Variants in ABCA9 observed in about 807,000 individuals in gnomAD.
ABCA9 encodes ATP binding cassette subfamily A member 9.
In ABCA9, 183 loss-of-function variants were observed where a neutral mutation model predicts 205.3. The ratio of observed to expected loss-of-function variants is 0.89; its 90% CI spans 0.79 to 1.01. The LOEUF is 1.01. Ranked by LOEUF, ABCA9 falls within the 50% of genes least tolerant of loss-of-function variation. The probability of loss-of-function intolerance (pLI) is 0.00; values close to 1 mark genes in which losing one functional copy is unlikely to be tolerated. For synonymous variants in ABCA9, 651 were observed against 683.3 expected, an observed-to-expected ratio of 0.95 and a Z score of 0.74; for missense variants, 1,805 against 1,912.4, an observed-to-expected ratio of 0.94 and a Z score of 1.05.
intron 31 of ABCA9, 27 bp from the exon 32 acceptor site, chr17:68,986,351 T>G (rs1344177650): frequency 6.3e-7 from 1 of 1,588,280 alleles, no homozygotes; most frequent in Middle Eastern, 1.7e-4. Context: ...CATTCTTAGA[T>G]TCTATCCCAA....
Position 68,995,762 on chromosome 17 carries a change from G to T in ABCA9, c.3555+133C>A, listed in dbSNP as rs938479676. Reference sequence around the variant, plus strand: ...TGCCCCTTATCCATGCGTGGCAAGAGAACTGACTTTCCAAAGACAGAGACT... The same window carrying T: ...TGCCCCTTATCCATGCGTGGCAAGATAACTGACTTTCCAAAGACAGAGACT... On this transcript the variant is annotated intron_variant, in intron 26 of 38. Coordinates refer to ENST00000340001, the MANE Select transcript of ABCA9 (RefSeq NM_080283.4). 7 of 1,208,776 alleles carry T rather than the reference G, an allele frequency of 5.8e-6. No homozygotes were observed. The African/African-American group carries it at 9.1e-5, about 16-fold the overall frequency. The allele number at this position is 1,208,776 out of a possible 1,614,324, so 74.9% of individuals were successfully genotyped here.
At chr17:68,988,835 A>G (rs2069336247) in intron 31 of ABCA9, among the ~76,000 whole-genome samples, 192 bp downstream of exon 31, 1 of 152,262 alleles carries the variant, frequency 6.6e-6, no homozygotes, top group Non-Finnish European at 1.5e-5. Flanking sequence ...TAAAAGGCAT[A>G]GTATATATGA....
In ABCA9 at chr17:69,047,515, A is replaced by G. The variant is rs148694194; in HGVS notation, c.304+1768T>C. ...AAAGTGCAGCTGGAGCTATGATAAC[A>G]TTATCTGCAAGGCCAGGCAGGGGCC... On this transcript the variant is annotated intron_variant, in intron 3 of 38. Transcript: ENST00000340001. Among the ~76,000 whole-genome samples, 327 of 152,116 alleles carry G rather than the reference A, an allele frequency of 2.1e-3. 2 individuals are homozygous for G. The highest frequency in any genetic ancestry group is 7.6e-3 in the African/African-American group (316 of 41,516).
intron 23 of ABCA9, among the ~76,000 whole-genome samples, chr17:69,009,685 A>G (rs1257704260): frequency 2.0e-5 from 3 of 152,160 alleles, no homozygotes; most frequent in African/African-American, 7.2e-5. Context: ...ATATGGACTT[A>G]TAGGGTGGCT....
intron 2 of ABCA9, 90 bp downstream of exon 2, chr17:69,050,941 T>C: frequency 3.4e-6 from 4 of 1,185,840 alleles, no homozygotes; most frequent in Non-Finnish European, 2.4e-6. Flanking sequence ...ATATGTGCAA[T>C]GTTAAATAAT....
chr17:68,995,269 T>C (rs1319858217), intron 26 of ABCA9, among the ~76,000 whole-genome samples: 3 of 152,186 alleles, frequency 2.0e-5, no homozygotes, highest in African/African-American at 7.2e-5. Context: ...ACCATTTTTG[T>C]TCTCTTATCT....
intron 29 of ABCA9, 98 bp from the exon 30 acceptor site, chr17:68,990,028 A>C: frequency 3.6e-6 from 3 of 827,994 alleles, no homozygotes; most frequent in Non-Finnish European, 5.8e-6. Context: ...ATAAAAAATC[A>C]TGAATCAAAC....
the ABCA9 span, among the ~76,000 whole-genome samples, chr17:69,077,590 C>A: frequency 6.6e-5 from 10 of 152,054 alleles, no homozygotes; most frequent in Non-Finnish European, 1.5e-4. Flanking sequence ...CAATTTAACA[C>A]TGTCAATGGG....
intron 1 of ABCA9, among the ~76,000 whole-genome samples, chr17:69,054,920 A>G (rs546905252): frequency 2.0e-5 from 3 of 152,244 alleles, no homozygotes; most frequent in East Asian, 3.9e-4. Context: ...AACTCTAAGG[A>G]TTTAATTTGC....
At chr17:68,994,348 A>G (rs1295120452) in intron 26 of ABCA9, among the ~76,000 whole-genome samples, 2 of 152,206 alleles carry the variant, frequency 1.3e-5, no homozygotes, top group African/African-American at 4.8e-5. Flanking sequence ...TCCTTTTTAT[A>G]TAGAACTACT....
chr17:69,043,291 G>A (rs1319558275), intron 6 of ABCA9, 198 bp downstream of exon 6: 2 of 515,156 alleles, frequency 3.9e-6, no homozygotes, highest in Non-Finnish European at 6.8e-6. Context: ...GTGAGCAATA[G>A]GGAGTGGCTG....
chr17:69,028,790 C>A, intron 11 of ABCA9, 145 bp from the exon 12 acceptor site: 1 of 477,606 alleles, frequency 2.1e-6, no homozygotes, highest in Non-Finnish European at 3.6e-6. Context: ...TCTTTTAAAA[C>A]TGTATTTCAA....
chr17:69,051,399 G>A (rs558499050), intron 1 of ABCA9: 4 of 417,268 alleles, frequency 9.6e-6, no homozygotes, highest in African/African-American at 4.0e-5. Flanking sequence ...AGTGTCGATC[G>A]TTGCTATCTC....
intron 37 of ABCA9, among the ~76,000 whole-genome samples, chr17:68,982,068 G>T (rs1235594011): frequency 6.6e-6 from 1 of 151,800 alleles, no homozygotes; most frequent in Non-Finnish European, 1.5e-5. Context: ...CCTAAACAGA[G>T]ACAGGAACCT....
intron 1 of ABCA9, chr17:69,051,462 CTTG>C (rs2071899852): frequency 3.8e-6 from 1 of 262,838 alleles, no homozygotes; most frequent in Non-Finnish European, 7.2e-6. Flanking sequence ...AACTTTCCGC[CTTG>C]TTGTTGGGGG....
At chr17:69,018,262 AT>A in intron 20 of ABCA9, 150 bp downstream of exon 20, 2 of 644,328 alleles carry the variant, frequency 3.1e-6, no homozygotes, top group East Asian at 3.2e-5. Flanking sequence ...CCCATGTCGT[AT>A]TTTTCATTTT....
upstream of ABCA9, among the ~76,000 whole-genome samples, chr17:69,065,884 T>G (rs569704407): frequency 6.6e-6 from 1 of 152,246 alleles, no homozygotes; most frequent in Non-Finnish European, 1.5e-5. Context: ...TGAGTTCTCA[T>G]AAGATCTGAT....
At chr17:69,049,612 C>T (rs2071835952) in intron 2 of ABCA9, 122 bp from the exon 3 acceptor site, 1 of 814,892 alleles carries the variant, frequency 1.2e-6, no homozygotes, top group East Asian at 2.8e-5. Flanking sequence ...TATTCTTTCT[C>T]CTAGTTTTTA....
the ABCA9 span, among the ~76,000 whole-genome samples, chr17:69,066,207 G>T: frequency 1.6e-4 from 24 of 152,198 alleles, no homozygotes; most frequent in African/African-American, 5.8e-4. Context: ...TGTCTTTTAG[G>T]CTAAATATAC....
Sources: allele counts gnomAD v4.1 joint callset (sites outside exome capture counted in the v4.1 genomes callset), GRCh38; gene constraint gnomAD v4.1.1; transcripts MANE v1.5; gene names NCBI Gene and HGNC (gene_info 2026-07-23, HGNC 2026-07-21).